The following PLEKHH3 variants were observed in gnomAD, a reference collection of about 807,000 sequenced individuals.
PLEKHH3 encodes pleckstrin homology, MyTH4 and FERM domain containing H3.
PLEKHH3 carries 57 observed loss-of-function variants against 77.8 expected under a neutral mutation model. The observed-to-expected ratio is 0.73, with a 90% CI of 0.59 to 0.91. The LOEUF (loss-of-function observed/expected upper bound fraction) is 0.91. Among genes scored for constraint, PLEKHH3 ranks in the 40% least tolerant of loss-of-function variants. The pLI, the probability that PLEKHH3 is intolerant of heterozygous loss-of-function variation, is 0.00. For missense variants in PLEKHH3, 1,082 were observed against 1,091.2 expected (o/e 0.99, Z 0.12); for synonymous variants, 467 against 504.8 (o/e 0.93, Z 1.00).
At position 42,670,130 on chromosome 17, in the gene PLEKHH3, C is replaced by G; in HGVS notation, c.1801G>C (p.Ala601Pro). The change falls in exon 11 of 13, where the codon GCG (alanine) becomes CCG (proline). Residue 601 changes from alanine to proline, a missense_variant. By Grantham distance (27) the Ala-to-Pro change is conservative (BLOSUM62 -1). Transcript: ENST00000591022. ...GCCCCGCCGCGCCGGGCCCGCTCCG[C>G]CCGCCTCTTGGCCAGGCCCGGGCTC... ...LWSPGLAKRR[A>P]ERARRGGAGR... 7.9e-7 allele frequency: 1 copy of G among 1,270,770 alleles called. No individual in the cohort carries two copies. Among genetic ancestry groups the G allele is most frequent in the Non-Finnish European group, 9.9e-7 (1 of 1,014,028 alleles). The allele number at this position is 1,270,770 out of a possible 1,614,324, so 78.7% of individuals were successfully genotyped here. A position where few individuals can be genotyped will look rare whatever the true frequency, so the allele number is the denominator to read the frequency against.
Position 42,673,848 on chromosome 17 carries a change from A to T in PLEKHH3, c.299-14T>A, listed in dbSNP as rs754628487. 3 of 1,602,064 alleles carry T rather than the reference A, an allele frequency of 1.9e-6. No homozygotes were observed. The highest frequency in any genetic ancestry group is 2.5e-6 in the Non-Finnish European group (3 of 1,176,954). ...GGTACAGCCAACCTGGGGGCCGGAGAGGGAGGGAAGGGACATCAGTAGAGA... is the reference window on the plus strand; with the variant it reads ...GGTACAGCCAACCTGGGGGCCGGAGTGGGAGGGAAGGGACATCAGTAGAGA... On this transcript the variant is annotated splice_polypyrimidine_tract_variant and intron_variant, in intron 3 of 12. Coordinates refer to ENST00000591022, the MANE Select transcript of PLEKHH3 (RefSeq NM_024927.5).
chr17:42,672,178 C>T lies in PLEKHH3; in HGVS notation c.984G>A (p.Ala328=). The change falls in exon 7 of 13, where the codon GCG becomes GCA. Residue 328 remains alanine (A), a synonymous_variant. Transcript: ENST00000591022. ...PPGLPATQDP[A]ALRYWQLLTC... ...TGAGGAGTTGCCAGTACCGCAGGGCCGCAGGGTCTTGGGTAGCCGGGAGCC... is the reference window on the plus strand; with the variant it reads ...TGAGGAGTTGCCAGTACCGCAGGGCTGCAGGGTCTTGGGTAGCCGGGAGCC... 1 of 1,550,918 alleles carries T rather than the reference C, an allele frequency of 6.4e-7. No individual in the cohort carries two copies. Among genetic ancestry groups the T allele is most frequent in the South Asian group, 1.2e-5 (1 of 84,026 alleles).
intron 1 of PLEKHH3, chr17:42,675,009 C>G (rs753374140): frequency 6.6e-6 from 1 of 152,298 alleles, no homozygotes; most frequent in Non-Finnish European, 1.5e-5. Context: ...GAGCAGAGAC[C>G]CTGCCCCTTT....
chr17:42,674,315 T>G, intron 2 of PLEKHH3, 39 bp downstream of exon 2: 1 of 1,536,748 alleles, frequency 6.5e-7, no homozygotes, highest in Non-Finnish European at 8.8e-7. Flanking sequence ...GGGAACATGC[T>G]GGGGTCGCCA....
At position 42,676,332 on chromosome 17, in the gene PLEKHH3, G is replaced by C; in HGVS notation, c.162+70C>G. 2 of 1,591,508 alleles carry C rather than the reference G, an allele frequency of 1.3e-6. No homozygotes were observed. The highest frequency in any genetic ancestry group is 1.7e-6 in the Non-Finnish European group (2 of 1,166,810). On this transcript the variant is annotated intron_variant, in intron 1 of 12. Transcript: ENST00000591022. This position sits in a 1 kb window ranked among gnomAD's most constrained non-coding sequence, Gnocchi z 6.6. ...GCGCGCAGCGTGTGGCTGGAGGCTGGAGCGGATCAGCGTGACGGCCGGTTA... is the reference window on the plus strand; with the variant it reads ...GCGCGCAGCGTGTGGCTGGAGGCTGCAGCGGATCAGCGTGACGGCCGGTTA...
rs1056949713 is a variant in PLEKHH3, at chr17:42,673,167, A to G, written c.769+9T>C. 4 of 1,509,240 alleles carry G rather than the reference A, an allele frequency of 2.7e-6. No homozygotes were observed. In the African/African-American group the frequency reaches 4.2e-5, roughly 16 times the overall value. 93.5% of individuals were successfully genotyped at this position (1,509,240 alleles called of 1,614,324 possible). On this transcript the variant is annotated intron_variant, in intron 6 of 12. Transcript: ENST00000591022. ...CCATCCAGGGGACTTGGGCCATGGGACCACTCACCTGGGGCGCTGACTCCA... is the reference window on the plus strand; with the variant it reads ...CCATCCAGGGGACTTGGGCCATGGGGCCACTCACCTGGGGCGCTGACTCCA...
rs1005059633 is a variant in PLEKHH3, at chr17:42,676,543, T to C, written c.21A>G (p.Leu7=). ...CTCGACGGCAGCAGAGAAGCCACCA[T>C]AGTCCCCCGGGGAGAGGCATCCGGG... MPLPGG[L]WWLLCCRRGF... Residue 7 remains leucine, a synonymous_variant, in exon 1 of 13, where the codon CTA becomes CTG. Transcript: ENST00000591022. The surrounding 1 kb of genome is among the most constrained non-coding windows in gnomAD (Gnocchi z 6.6). 4 of 1,570,708 alleles carry C rather than the reference T, an allele frequency of 2.5e-6. No homozygotes were observed. The African/African-American group carries it at 5.4e-5, about 21-fold the overall frequency.
chr17:42,676,108 G>A lies in PLEKHH3; in HGVS notation c.162+294C>T, dbSNP rs1044784249. 5.4e-5 allele frequency: 69 copies of A among 1,271,086 alleles called. No individual in the cohort carries two copies. The highest frequency in any genetic ancestry group is 6.2e-5 in the African/African-American group (4 of 64,292). 78.7% of individuals were successfully genotyped at this position (1,271,086 alleles called of 1,614,324 possible). A position where few individuals can be genotyped will look rare whatever the true frequency, so the allele number is the denominator to read the frequency against. ...CGGAAGGAGACGGGATGGGACGCGG[G>A]CCCAGCGGGGAAGGGAGAGGCAGGG... On this transcript the variant is annotated intron_variant, in intron 1 of 12. Coordinates refer to ENST00000591022, the MANE Select transcript of PLEKHH3 (RefSeq NM_024927.5). This position sits in a 1 kb window ranked among gnomAD's most constrained non-coding sequence, Gnocchi z 6.6.
In PLEKHH3 at chr17:42,673,183, G is replaced by A. The variant is rs142341790; in HGVS notation, c.762C>T (p.Ser254=). 4.7e-5 allele frequency: 72 copies of A among 1,521,768 alleles called. No homozygotes were observed. Among genetic ancestry groups the A allele is most frequent in the African/African-American group, 1.1e-4 (8 of 71,104 alleles). The allele number at this position is 1,521,768 out of a possible 1,614,324, so 94.3% of individuals were successfully genotyped here. ...APLLPLPYGV[S]APGPGYAPLR... is the part of the protein sequence containing the mutation. The stretch of plus-strand genomic sequence containing the variant: ...GGCCATGGGACCACTCACCTGGGGC[G>A]CTGACTCCATAGGGCAGGGGCAGGA... The change falls in exon 6 of 13, where the codon AGC becomes AGT. Residue 254 remains serine, a synonymous_variant. Coordinates refer to ENST00000591022, the MANE Select transcript of PLEKHH3 (RefSeq NM_024927.5).
chr17:42,675,258 G>A (rs542279829), intron 1 of PLEKHH3, among the ~76,000 whole-genome samples: 61 of 152,254 alleles, frequency 4.0e-4, no homozygotes, highest in Admixed American at 1.0e-3. Flanking sequence ...AGGTGGGGGA[G>A]GGGGCCAGGG....
chr17:42,671,563 G>A lies in PLEKHH3; in HGVS notation c.1077-5C>T, dbSNP rs1567958822. On this transcript the variant is annotated splice_region_variant and splice_polypyrimidine_tract_variant and intron_variant, in intron 7 of 12. Coordinates refer to ENST00000591022, the MANE Select transcript of PLEKHH3 (RefSeq NM_024927.5). This position sits in a 1 kb window ranked among gnomAD's most constrained non-coding sequence, Gnocchi z 4.7. ...TCCGGGAGTGCCTGCTCGGTCCTGG[G>A]TTAGGAGGAACCCAGGGATCAATAC... The A allele has an allele frequency of 6.2e-7, 1 of 1,605,714 alleles. No homozygotes were observed. Among genetic ancestry groups the A allele is most frequent in the Non-Finnish European group, 8.5e-7 (1 of 1,176,196 alleles).
At chr17:42,669,887 C>T (rs2052645144) in intron 11 of PLEKHH3, 31 bp downstream of exon 11, 2 of 1,611,076 alleles carry the variant, frequency 1.2e-6, no homozygotes, top group African/African-American at 1.3e-5. Context: ...GCTTGGGCCG[C>T]CAGAGTCCCC....
chr17:42,670,185 A>C lies in PLEKHH3; in HGVS notation c.1746T>G (p.Pro582=), dbSNP rs1425172112. ...DPPRPTPRPP[P]SAALLAGALW... ...GCGCCCCGGCCAGCAGGGCAGCGGA[A>C]GGGGGCGGCCTGGGGGTCGGGCGGG... The change falls in exon 11 of 13, where the codon CCT becomes CCG. Residue 582 remains proline (P), a synonymous_variant. Coordinates refer to ENST00000591022, the MANE Select transcript of PLEKHH3 (RefSeq NM_024927.5). 1.7e-6 allele frequency: 2 copies of C among 1,166,684 alleles called. No individual in the cohort carries two copies. The highest frequency in any genetic ancestry group is 4.9e-5 in the Admixed American group (1 of 20,596). The allele number at this position is 1,166,684 out of a possible 1,614,324, so 72.3% of individuals were successfully genotyped here. A position where few individuals can be genotyped will look rare whatever the true frequency, so the allele number is the denominator to read the frequency against.
chr17:42,676,687 A>AG lies in PLEKHH3; in HGVS notation c.-125dup. On this transcript the variant is annotated 5_prime_UTR_variant, in exon 1 of 13. Coordinates refer to ENST00000591022, the MANE Select transcript of PLEKHH3 (RefSeq NM_024927.5). This position sits in a 1 kb window ranked among gnomAD's most constrained non-coding sequence, Gnocchi z 6.6. ...AGGTGGGAGGAGCAGAAGGGAGAAG[A>AG]GGACAGGGAGGAGGCAGTGTCCTGG... 1 of 935,194 alleles carries AG rather than the reference A, an allele frequency of 1.1e-6. No individual in the cohort carries two copies. Among genetic ancestry groups the AG allele is most frequent in the Non-Finnish European group, 1.6e-6 (1 of 610,044 alleles). The allele number at this position is 935,194 out of a possible 1,614,324, so 57.9% of individuals were successfully genotyped here.
intron 10 of PLEKHH3, 31 bp from the exon 11 acceptor site, chr17:42,670,407 G>A: frequency 2.1e-5 from 31 of 1,458,408 alleles, no homozygotes; most frequent in Non-Finnish European, 2.8e-5. Flanking sequence ...GTCAGTGTAC[G>A]AGCGGCGGCG....
chr17:42,670,535 G>C, intron 10 of PLEKHH3, 38 bp downstream of exon 10: 1 of 1,584,476 alleles, frequency 6.3e-7, no homozygotes, highest in Non-Finnish European at 8.6e-7. Context: ...TTCAGGCTTG[G>C]GGGTCTGTTT....
At chr17:42,670,818 A>C in intron 9 of PLEKHH3, 113 bp from the exon 10 acceptor site, 1 of 1,517,032 alleles carries the variant, frequency 6.6e-7, no homozygotes, top group Non-Finnish European at 8.9e-7. Context: ...CGGAGCCGAC[A>C]GCGGAGGTGA....
chr17:42,671,025 G>A lies in PLEKHH3; in HGVS notation c.1390C>T (p.Leu464Phe). Residue 464 changes from leucine (L) to phenylalanine (F), a missense_variant, in exon 9 of 13, where the codon CTC becomes TTC. Coordinates refer to ENST00000591022, the MANE Select transcript of PLEKHH3 (RefSeq NM_024927.5). The surrounding 1 kb of genome is among the most constrained non-coding windows in gnomAD (Gnocchi z 4.7). ...AACCTGGTGAGCACGTCGGCCACGA[G>A]GGTCCCCCCAGCCAGGGCTCGCTCC... ...AQERALAGGTLVADVLTRFEN... is the reference protein window; with the variant it reads ...AQERALAGGTFVADVLTRFEN... 1 of 1,610,548 alleles carries A rather than the reference G, an allele frequency of 6.2e-7. No individual in the cohort carries two copies. Among genetic ancestry groups the A allele is most frequent in the Non-Finnish European group, 8.5e-7 (1 of 1,179,090 alleles).
chr17:42,673,711 C>A lies in PLEKHH3; in HGVS notation c.422G>T (p.Arg141Leu), dbSNP rs147643829. The A allele has an allele frequency of 1.2e-6, 2 of 1,601,232 alleles. No homozygotes were observed. The highest frequency in any genetic ancestry group is 2.7e-5 in the African/African-American group (2 of 74,906). Residue 141 changes from arginine (R) to leucine (L), a missense_variant, in exon 4 of 13, where the codon CGT (arginine) becomes CTT (leucine). Transcript: ENST00000591022. ...QFSSSGKGAR[R>L]LGSLVLTSLC... ...GCTGGTGAGCACGAGGCTCCCGAGA[C>A]GCCGCGCCCCTTTCCCGCTGCTGCT...
Sources: gnomAD v4.1 joint callset for allele counts (sites outside exome capture counted in the v4.1 genomes callset) on GRCh38, gnomAD v4.1.1 for gene constraint, Gnocchi (gnomAD v3.1) non-coding constraint, MANE v1.5 for transcripts, NCBI Gene and HGNC (gene_info 2026-07-23, HGNC 2026-07-21) for gene names.